The following PDE1A variants were observed in gnomAD, a reference collection of about 807,000 sequenced individuals.
PDE1A encodes the protein phosphodiesterase 1A.
In PDE1A, 35 loss-of-function variants were observed where a neutral mutation model predicts 61.7. That is an observed-to-expected ratio of 0.57 (90% CI 0.43 to 0.75). PDE1A has a LOEUF of 0.75. PDE1A is among the 30% of genes least tolerant of loss of function. The pLI is 0.00. For synonymous variants in PDE1A, 232 were observed against 213.2 expected (o/e 1.09, Z -0.77); for missense variants, 597 against 630.6 (o/e 0.95, Z 0.57).
intron 2 of PDE1A, among the ~76,000 whole-genome samples, chr2:182,247,596 T>C (rs955860250): frequency 5.3e-5 from 8 of 152,332 alleles, no homozygotes; most frequent in African/African-American, 1.9e-4. Flanking sequence ...TTCCGTCTGA[T>C]CAACATGAGC....
At chr2:182,595,628 G>C in the PDE1A span, among the ~76,000 whole-genome samples, 4 of 152,274 alleles carry the variant, frequency 2.6e-5, no homozygotes, top group East Asian at 1.9e-4. Context: ...GCACCCATAA[G>C]GCTGTCTCTT....
chr2:182,153,042 A>G (rs1690877013), intron 13 of PDE1A, among the ~76,000 whole-genome samples: 1 of 152,202 alleles, frequency 6.6e-6, no homozygotes, highest in Non-Finnish European at 1.5e-5. Context: ...CAAGCTTTAG[A>G]CTTACACCCA....
At chr2:182,670,215 G>A in the PDE1A span, among the ~76,000 whole-genome samples, 1 of 152,024 alleles carries the variant, frequency 6.6e-6, no homozygotes, top group Non-Finnish European at 1.5e-5. Flanking sequence ...GTACTCAGGG[G>A]GTTTACCCTA....
chr2:182,669,498 T>C, the PDE1A span, among the ~76,000 whole-genome samples: 746 of 152,332 alleles, frequency 4.9e-3, 5 homozygotes, highest in African/African-American at 0.017. Flanking sequence ...ATTTTCAGTC[T>C]CTTCTCTGAC....
At chr2:182,617,257 C>T in the PDE1A span, among the ~76,000 whole-genome samples, 1,284 of 152,252 alleles carry the variant, frequency 8.4e-3, 15 homozygotes, top group African/African-American at 0.029. Context: ...TATATGGCCA[C>T]ACTTCAATAA....
chr2:182,458,634 G>A (rs1686076510), intron 2 of PDE1A, among the ~76,000 whole-genome samples: 1 of 152,050 alleles, frequency 6.6e-6, no homozygotes, highest in Non-Finnish European at 1.5e-5. Flanking sequence ...ATGATTACAG[G>A]AAGTAGCAGA....
At chr2:182,253,954 A>G (rs774255033) in intron 2 of PDE1A, among the ~76,000 whole-genome samples, 2 of 152,152 alleles carry the variant, frequency 1.3e-5, no homozygotes, top group African/African-American at 2.4e-5. Context: ...CAAATTGAAT[A>G]ATATGTTGCC....
intron 2 of PDE1A, among the ~76,000 whole-genome samples, chr2:182,482,774 T>A (rs1245468779): frequency 6.6e-6 from 1 of 151,966 alleles, no homozygotes; most frequent in East Asian, 1.9e-4. Flanking sequence ...GGTAGCTGAC[T>A]TGATTTGGAA....
At chr2:182,300,160 G>C (rs1695148245) in intron 1 of PDE1A, among the ~76,000 whole-genome samples, 3 of 152,298 alleles carry the variant, frequency 2.0e-5, no homozygotes, top group Non-Finnish European at 2.9e-5. Flanking sequence ...TTTCAAGTCA[G>C]TTCTGCCCCA....
At chr2:182,482,046 C>A (rs1424362306) in intron 2 of PDE1A, among the ~76,000 whole-genome samples, 2 of 151,924 alleles carry the variant, frequency 1.3e-5, no homozygotes, top group African/African-American at 4.8e-5. Flanking sequence ...CTTCCCTTCA[C>A]TACCTATTCA....
intron 13 of PDE1A, among the ~76,000 whole-genome samples, chr2:182,169,857 A>T (rs1442511009): frequency 6.7e-6 from 1 of 149,856 alleles, no homozygotes; most frequent in East Asian, 2.0e-4. Flanking sequence ...CTTCCTTCTT[A>T]CTTTTGTTGT....
intron 13 of PDE1A, among the ~76,000 whole-genome samples, chr2:182,150,172 G>T (rs373861681): frequency 6.6e-6 from 1 of 152,066 alleles, no homozygotes; most frequent in Non-Finnish European, 1.5e-5. Context: ...ATGTTGATGC[G>T]TATTCTTTCC....
intron 13 of PDE1A, among the ~76,000 whole-genome samples, chr2:182,172,184 T>G (rs1425460676): frequency 6.6e-6 from 1 of 152,050 alleles, no homozygotes; most frequent in Non-Finnish European, 1.5e-5. Context: ...ATTTCATTTA[T>G]GTGGACTCAC....
the PDE1A span, among the ~76,000 whole-genome samples, chr2:182,619,071 G>A: frequency 1.3e-5 from 2 of 151,204 alleles, no homozygotes; most frequent in Admixed American, 1.3e-4. Flanking sequence ...GCGGGGGCAG[G>A]GTTGGAAGAT....
At chr2:182,324,480 T>G (rs1473101876) in intron 1 of PDE1A, among the ~76,000 whole-genome samples, 1 of 152,178 alleles carries the variant, frequency 6.6e-6, no homozygotes, top group Non-Finnish European at 1.5e-5. Context: ...CATAATTACC[T>G]GTATATGAGA....
chr2:182,354,512 T>C (rs537858069), intron 1 of PDE1A, among the ~76,000 whole-genome samples: 1 of 152,258 alleles, frequency 6.6e-6, no homozygotes, highest in South Asian at 2.1e-4. Flanking sequence ...AAAAGTTGAT[T>C]ATAGCTATTC....
At chr2:182,511,697 T>A (rs190171389) in intron 2 of PDE1A, among the ~76,000 whole-genome samples, 13 of 152,292 alleles carry the variant, frequency 8.5e-5, no homozygotes, top group Non-Finnish European at 8.8e-5. Context: ...ATTTTCCCCA[T>A]GAGACAGAGC....
chr2:182,700,746 A>AC, the PDE1A span, among the ~76,000 whole-genome samples: 1 of 139,478 alleles, frequency 7.2e-6, no homozygotes, highest in Non-Finnish European at 1.6e-5. Flanking sequence ...AAAAACAGAA[A>AC]GAAAAGAAAA....
rs144355685 is a variant in PDE1A at position 182,355,980 on chromosome 2, A to G, written c.53+70598T>C. Among the ~76,000 whole-genome samples, 26 of 152,336 alleles carry G rather than the reference A, an allele frequency of 1.7e-4. No homozygotes were observed. The East Asian group carries it at 3.9e-3, about 23-fold the overall frequency. ...TTATATTCTAGAATAGGAAAGTCTA[A>G]GTTGGATAATAGTTTCTAGCATGCA... On this transcript the variant is annotated intron_variant, in intron 1 of 13. Transcript: ENST00000351439.
Sources: gnomAD v4.1 joint callset for allele counts (sites outside exome capture counted in the v4.1 genomes callset) on GRCh38, gnomAD v4.1.1 for gene constraint, MANE v1.5 for transcripts, NCBI Gene and HGNC (gene_info 2026-07-23, HGNC 2026-07-21) for gene names.